SCG5: variants seen among roughly 807,000 people sequenced by gnomAD.
SCG5 encodes the protein neuroendocrine protein 7B2.
A neutral mutation model predicts 25.7 loss-of-function variants in SCG5; 18 were observed. That is an observed-to-expected ratio of 0.70 (90% confidence interval 0.48 to 1.04). The LOEUF is 1.04. Among genes scored for constraint, SCG5 ranks in the 50% least tolerant of loss-of-function variants. The pLI, the probability that SCG5 is intolerant of heterozygous loss-of-function variation, is 0.00. For synonymous variants in SCG5, 101 were observed against 91.7 expected (o/e 1.10, Z -0.58); for missense variants, 206 against 259.8 (o/e 0.79, Z 1.42).
intron 3 of SCG5, among the ~76,000 whole-genome samples, chr15:32,680,194 CTTTTTT>C (rs10549438): frequency 1.7e-5 from 2 of 114,596 alleles, no homozygotes; most frequent in Non-Finnish European, 1.8e-5. Flanking sequence ...ACTTGCTACT[CTTTTTT>C]TTTTTTTTTT....
At chr15:32,672,925 AAAAAAAAAGAGAC>A (rs2054460277) in intron 2 of SCG5, 1 of 140,460 alleles carries the variant, frequency 7.1e-6, no homozygotes, top group African/African-American at 2.7e-5. Context: ...AAAAAAAAAA[AAAAAAAAAGAGAC>A]AGAGTGACGA....
rs538261852 is a variant in SCG5 at position 32,654,378 on chromosome 15, A to T, written c.226+10560A>T. On this transcript the variant is annotated intron_variant, in intron 2 of 5. Coordinates refer to ENST00000300175, the MANE Select transcript of SCG5 (RefSeq NM_001144757.3). ...CTGGGGCTTCTTTTATTACCATCAC[A>T]TTGGGGATTAGGCTTCAACATGTAA... Among the ~76,000 whole-genome samples, 7 of 152,278 alleles carry T rather than the reference A, an allele frequency of 4.6e-5. No individual in the cohort carries two copies. The East Asian group carries it at 1.2e-3, about 25-fold the overall frequency.
In SCG5 at chr15:32,696,401, G is replaced by A. The variant is rs143291309; in HGVS notation, c.544-113G>A. 2.3e-4 allele frequency: 166 copies of A among 723,546 alleles called. 1 individual carries two copies. The highest frequency in any genetic ancestry group is 2.2e-3 in the African/African-American group (126 of 57,014). The allele number at this position is 723,546 out of a possible 1,614,324, so 44.8% of individuals were successfully genotyped here. A position where few individuals can be genotyped will look rare whatever the true frequency, so the allele number is the denominator to read the frequency against. On this transcript the variant is annotated intron_variant, in intron 5 of 5. Coordinates refer to ENST00000300175, the MANE Select transcript of SCG5 (RefSeq NM_001144757.3). ...CAAAGTGCTGGGATTACAGGCGTGA[G>A]CCACCGCGCCCGGCCCCAGAAACGA...
At chr15:32,668,281 T>G (rs2054355263) in intron 2 of SCG5, among the ~76,000 whole-genome samples, 1 of 152,006 alleles carries the variant, frequency 6.6e-6, no homozygotes, top group South Asian at 2.1e-4. Context: ...TAAAGAACAC[T>G]TATGGATTTA....
At chr15:32,695,085 G>A (rs1022105682) in intron 5 of SCG5, among the ~76,000 whole-genome samples, 6 of 150,768 alleles carry the variant, frequency 4.0e-5, no homozygotes, top group African/African-American at 7.3e-5. Flanking sequence ...GCGCAATCTC[G>A]GCTCACTGCA....
Position 32,693,034 on chromosome 15 carries a change from A to T in SCG5, c.543+1271A>T, listed in dbSNP as rs376302532. ...TGGTGACAGAAAGGGTCCAAAGGGT[A>T]TAATGTGGTCTTGAGGGAACATCAA... On this transcript the variant is annotated intron_variant, in intron 5 of 5. Coordinates refer to ENST00000300175, the MANE Select transcript of SCG5 (RefSeq NM_001144757.3). Among the ~76,000 whole-genome samples the T allele has an allele frequency of 1.3e-4, 20 of 152,362 alleles. 1 individual carries two copies. Among genetic ancestry groups the T allele is most frequent in the Admixed American group, 6.5e-4 (10 of 15,312 alleles).
chr15:32,642,227 C>T (rs1358506679), intron 1 of SCG5, among the ~76,000 whole-genome samples: 1 of 151,950 alleles, frequency 6.6e-6, no homozygotes, highest in Non-Finnish European at 1.5e-5. Context: ...ATTTTGCCTC[C>T]TCCCACCTCT....
intron 2 of SCG5, among the ~76,000 whole-genome samples, chr15:32,659,646 G>A (rs1012024115): frequency 1.3e-5 from 2 of 152,174 alleles, no homozygotes; most frequent in Admixed American, 6.5e-5. Context: ...AGCCTGCCCT[G>A]CAGAAGCCCA....
intron 2 of SCG5, among the ~76,000 whole-genome samples, chr15:32,663,071 ATATATATAAT>A (rs1439384206): frequency 5.4e-5 from 3 of 55,202 alleles, no homozygotes; most frequent in African/African-American, 1.8e-4. Flanking sequence ...ATATATATAT[ATATATATAAT>A]ATATAATATG....
intron 2 of SCG5, among the ~76,000 whole-genome samples, chr15:32,676,055 A>G (rs74509526): frequency 0.017 from 2,574 of 152,318 alleles, 89 homozygotes; most frequent in African/African-American, 0.06. Context: ...AGATAACTGC[A>G]TTTGGCCCTT....
intron 2 of SCG5, among the ~76,000 whole-genome samples, chr15:32,658,162 G>C (rs939693743): frequency 6.6e-5 from 10 of 152,236 alleles, no homozygotes; most frequent in African/African-American, 2.4e-4. Flanking sequence ...CCAGGGAATG[G>C]CAAAGAGGAG....
intron 2 of SCG5, among the ~76,000 whole-genome samples, chr15:32,667,153 A>G (rs1341563130): frequency 2.0e-5 from 3 of 152,234 alleles, no homozygotes; most frequent in Non-Finnish European, 4.4e-5. Context: ...AAGTGAGAAG[A>G]CTAGACAATT....
At chr15:32,650,303 A>G (rs574236316) in intron 2 of SCG5, among the ~76,000 whole-genome samples, 4 of 151,964 alleles carry the variant, frequency 2.6e-5, no homozygotes, top group East Asian at 1.9e-4. Context: ...GGGTTTCACC[A>G]TGTTAGCCAG....
intron 2 of SCG5, among the ~76,000 whole-genome samples, chr15:32,664,681 A>T (rs1187224837): frequency 6.6e-6 from 1 of 152,252 alleles, no homozygotes; most frequent in African/African-American, 2.4e-5. Context: ...CTCCAGGAGC[A>T]GTAATAAAGA....
chr15:32,650,793 G>A (rs886908425), intron 2 of SCG5, among the ~76,000 whole-genome samples: 2 of 152,244 alleles, frequency 1.3e-5, no homozygotes, highest in Non-Finnish European at 2.9e-5. Flanking sequence ...TAGGCCACCA[G>A]CTATCTAGCA....
At chr15:32,647,507 A>T (rs905898174) in intron 2 of SCG5, among the ~76,000 whole-genome samples, 1 of 151,964 alleles carries the variant, frequency 6.6e-6, no homozygotes, top group Non-Finnish European at 1.5e-5. Flanking sequence ...ATATCCCATT[A>T]AAAAAAACAT....
intron 2 of SCG5, among the ~76,000 whole-genome samples, chr15:32,648,404 ACAGGAGTTAAACTTTTTT>A (rs1434305935): frequency 6.6e-6 from 1 of 152,158 alleles, no homozygotes; most frequent in African/African-American, 2.4e-5. Flanking sequence ...CACAGGAAGA[ACAGGAGTTAAACTTTTTT>A]CAGGAGTTAA....
chr15:32,656,578 C>T (rs147450182), intron 2 of SCG5, among the ~76,000 whole-genome samples: 1 of 152,342 alleles, frequency 6.6e-6, no homozygotes, highest in East Asian at 1.9e-4. Context: ...TCTCCCCATC[C>T]AGCTGTCTTC....
intron 2 of SCG5, among the ~76,000 whole-genome samples, chr15:32,649,839 C>T (rs948202533): frequency 1.3e-5 from 2 of 152,102 alleles, no homozygotes; most frequent in African/African-American, 2.4e-5. Context: ...AACCCGTAGC[C>T]GTACTATTTT....
Sources: allele counts gnomAD v4.1 joint callset (sites outside exome capture counted in the v4.1 genomes callset), GRCh38; gene constraint gnomAD v4.1.1; transcripts MANE v1.5; gene names NCBI Gene and HGNC (gene_info 2026-07-23, HGNC 2026-07-21).